TENM1: variants seen among roughly 807,000 people sequenced by gnomAD.
The protein encoded by TENM1 is teneurin-1.
A neutral mutation model predicts 174.8 loss-of-function variants in TENM1; 35 were observed. That is an observed-to-expected ratio of 0.20 (90% confidence interval 0.15 to 0.27). The LOEUF (loss-of-function observed/expected upper bound fraction) is 0.27, where lower values mean the gene tolerates loss of function less well. TENM1 is among the 10% of genes least tolerant of loss of function. The pLI, the probability that TENM1 is intolerant of heterozygous loss-of-function variation, is 1.00. For missense variants in TENM1, 1,633 were observed against 2,130.1 expected, an observed-to-expected ratio of 0.77 and a Z score of 4.59; for synonymous variants, 781 against 798.7, an observed-to-expected ratio of 0.98 and a Z score of 0.37.
intron 19 of TENM1, among the ~76,000 whole-genome samples, chrX:124,500,721 C>T (rs1188127450): frequency 8.9e-6 from 1 of 112,052 alleles, no homozygotes; most frequent in African/African-American, 3.2e-5. Flanking sequence ...ACCAGTCATA[C>T]CCTCTTGCTA....
At chrX:125,102,935 G>A in the TENM1 span, among the ~76,000 whole-genome samples, 7 of 111,774 alleles carry the variant, frequency 6.3e-5, no homozygotes, top group East Asian at 1.7e-3. Flanking sequence ...ATTATGTCCT[G>A]GAGATGGAAA....
At chrX:125,054,134 T>C in the TENM1 span, among the ~76,000 whole-genome samples, 2 of 111,033 alleles carry the variant, frequency 1.8e-5, no homozygotes. Context: ...AAATCTATAG[T>C]GATTTTTTTT....
chrX:125,050,333 T>G, the TENM1 span, among the ~76,000 whole-genome samples: 1 of 106,176 alleles, frequency 9.4e-6, no homozygotes, highest in African/African-American at 3.5e-5. Flanking sequence ...CACAACAGGC[T>G]CCGGTGTGTG....
intron 11 of TENM1, among the ~76,000 whole-genome samples, chrX:124,605,535 A>G (rs2050133741): frequency 9.0e-6 from 1 of 110,505 alleles, no homozygotes; most frequent in Non-Finnish European, 1.9e-5. Context: ...ACATTTTCAA[A>G]TACCCTTCTG....
At chrX:124,583,666 A>G (rs1166752835) in intron 11 of TENM1, among the ~76,000 whole-genome samples, 7 of 112,476 alleles carry the variant, frequency 6.2e-5, no homozygotes, top group African/African-American at 2.3e-4. Flanking sequence ...CTCACCAGCA[A>G]CGGAACAAAG....
rs113953280 is a variant in TENM1, at chrX:124,453,607, A to G, written c.3950-116T>C. ...GGCATTTTAAAGACATATAGATTCAATTTTGCTCAGCACAGACAGGACAGT... is the reference window on the plus strand; with the variant it reads ...GGCATTTTAAAGACATATAGATTCAGTTTTGCTCAGCACAGACAGGACAGT... On this transcript the variant is annotated intron_variant, in intron 22 of 31. Transcript: ENST00000422452. 1,178 of 676,833 alleles carry G rather than the reference A, an allele frequency of 1.7e-3. 6 individuals carry two copies. The highest frequency in any genetic ancestry group is 1.7e-3 in the Non-Finnish European group (802 of 462,425). 55.8% of individuals were successfully genotyped at this position (676,833 alleles called of 1,213,427 possible). A position where few individuals can be genotyped will look rare whatever the true frequency, so the allele number is the denominator to read the frequency against.
intron 11 of TENM1, among the ~76,000 whole-genome samples, chrX:124,594,140 T>C (rs1011369175): frequency 2.7e-5 from 3 of 111,298 alleles, no homozygotes; most frequent in African/African-American, 9.8e-5. Context: ...GTGCTTTCCC[T>C]TGGCCTAGGT....
chrX:124,695,594 T>G (rs2052629652), intron 5 of TENM1, among the ~76,000 whole-genome samples: 1 of 111,453 alleles, frequency 9.0e-6, no homozygotes, highest in Non-Finnish European at 1.9e-5. Flanking sequence ...TTTATTTCTT[T>G]CCTACCTACT....
intron 1 of TENM1, among the ~76,000 whole-genome samples, chrX:124,919,149 C>T (rs2057979200): frequency 8.9e-6 from 1 of 112,178 alleles, no homozygotes; most frequent in Non-Finnish European, 1.9e-5. Context: ...CCTATTCAAA[C>T]TTTTATTTGA....
At chrX:124,955,781 T>A (rs890666412) in intron 1 of TENM1, among the ~76,000 whole-genome samples, 2 of 95,249 alleles carry the variant, frequency 2.1e-5, no homozygotes, top group Non-Finnish European at 4.3e-5. Flanking sequence ...CATAAACAGA[T>A]ACAACACACG....
At chrX:124,686,165 G>A (rs1602997881) in intron 5 of TENM1, among the ~76,000 whole-genome samples, 1 of 109,552 alleles carries the variant, frequency 9.1e-6, no homozygotes, top group South Asian at 4.0e-4. Context: ...TTTCTCGGCA[G>A]AAACTCTGCA....
chrX:125,165,991 A>G, the TENM1 span, among the ~76,000 whole-genome samples: 4 of 111,785 alleles, frequency 3.6e-5, no homozygotes, highest in African/African-American at 1.3e-4. Flanking sequence ...ATAATGTAGT[A>G]TAGCAAGCAG....
At chrX:125,134,658 CCA>C in the TENM1 span, among the ~76,000 whole-genome samples, 2 of 111,918 alleles carry the variant, frequency 1.8e-5, no homozygotes, top group Admixed American at 1.9e-4. Context: ...TTCTGTCCCT[CCA>C]CACAGTGATC....
intron 3 of TENM1, among the ~76,000 whole-genome samples, chrX:124,819,158 C>T (rs1192079789): frequency 9.8e-5 from 11 of 111,904 alleles, no homozygotes; most frequent in Non-Finnish European, 2.1e-4. Flanking sequence ...TTATTATTGA[C>T]AGCAAAATCA....
At chrX:125,098,353 T>C in the TENM1 span, among the ~76,000 whole-genome samples, 1 of 112,119 alleles carries the variant, frequency 8.9e-6, no homozygotes, top group African/African-American at 3.2e-5. Flanking sequence ...TTGAACAGGG[T>C]CAGCATACAT....
chrX:124,748,345 G>GAT (rs200991239), intron 3 of TENM1, among the ~76,000 whole-genome samples: 6 of 109,292 alleles, frequency 5.5e-5, no homozygotes, highest in East Asian at 2.9e-4. Context: ...AAGGTATACA[G>GAT]ATATATATAT....
intron 1 of TENM1, among the ~76,000 whole-genome samples, chrX:124,947,381 T>C (rs2058419218): frequency 8.9e-6 from 1 of 112,097 alleles, no homozygotes; most frequent in African/African-American, 3.2e-5. Context: ...CATTACAGTA[T>C]ATTGATTAAG....
chrX:124,557,978 T>A (rs1333236862), intron 14 of TENM1, among the ~76,000 whole-genome samples: 1 of 112,060 alleles, frequency 8.9e-6, no homozygotes, highest in Non-Finnish European at 1.9e-5. Context: ...GTTGTGCATG[T>A]GGTAGGTGCT....
At chrX:124,733,919 T>G (rs2053615926) in intron 4 of TENM1, among the ~76,000 whole-genome samples, 1 of 111,736 alleles carries the variant, frequency 8.9e-6, no homozygotes, top group Non-Finnish European at 1.9e-5. Flanking sequence ...CTCCCAGATT[T>G]TCTGTTATTT....
Sources: gnomAD v4.1 joint callset for allele counts (sites outside exome capture counted in the v4.1 genomes callset) on GRCh38, gnomAD v4.1.1 for gene constraint, MANE v1.5 for transcripts, NCBI Gene and HGNC (gene_info 2026-07-23, HGNC 2026-07-21) for gene names.